Variants in ROBO1 observed in about 807,000 individuals in gnomAD.
The protein encoded by ROBO1 is roundabout homolog 1.
In ROBO1, 149 loss-of-function variants were observed where a neutral mutation model predicts 195.9. The observed-to-expected ratio is 0.76, with a 90% CI of 0.67 to 0.87. The LOEUF (loss-of-function observed/expected upper bound fraction) is 0.87. Among genes scored for constraint, ROBO1 ranks in the 40% least tolerant of loss-of-function variants. The probability of loss-of-function intolerance (pLI) is 0.00; values close to 1 mark genes in which losing one functional copy is unlikely to be tolerated. For synonymous variants in ROBO1, 816 were observed against 733.2 expected (o/e 1.11, Z -1.82); for missense variants, 1,933 against 2,068.3 (o/e 0.93, Z 1.27).
intron 2 of ROBO1, among the ~76,000 whole-genome samples, chr3:79,168,499 C>T (rs2081110118): frequency 6.6e-6 from 1 of 152,130 alleles, no homozygotes; most frequent in African/African-American, 2.4e-5. Flanking sequence ...CCACTAAACC[C>T]TAATATCACC....
At chr3:79,403,178 G>A (rs892753961) in intron 2 of ROBO1, among the ~76,000 whole-genome samples, 1 of 151,818 alleles carries the variant, frequency 6.6e-6, no homozygotes, top group African/African-American at 2.4e-5. Flanking sequence ...AACAAGGCTC[G>A]ATATTTTAAT....
chr3:79,014,281 C>T (rs984191274), intron 3 of ROBO1, among the ~76,000 whole-genome samples: 7 of 151,986 alleles, frequency 4.6e-5, no homozygotes, highest in Non-Finnish European at 1.0e-4. Context: ...ACCAGCCTGG[C>T]CAACACAGTG....
At chr3:78,843,552 T>G (rs1035677908) in intron 4 of ROBO1, among the ~76,000 whole-genome samples, 1 of 152,058 alleles carries the variant, frequency 6.6e-6, no homozygotes, top group Non-Finnish European at 1.5e-5. Flanking sequence ...CAAACAGGTA[T>G]CAGATGAACC....
chr3:79,175,259 T>A (rs987177108), intron 2 of ROBO1, among the ~76,000 whole-genome samples: 5 of 152,194 alleles, frequency 3.3e-5, no homozygotes, highest in African/African-American at 1.2e-4. Flanking sequence ...TTGCACTTAT[T>A]TTACTTTAAT....
intron 14 of ROBO1, among the ~76,000 whole-genome samples, chr3:78,664,173 C>A (rs1438395482): frequency 6.6e-6 from 1 of 152,128 alleles, no homozygotes; most frequent in Non-Finnish European, 1.5e-5. Flanking sequence ...TTTTGTTCTC[C>A]TTCTCCTGAA....
At chr3:79,505,785 C>A (rs1940360313) in intron 2 of ROBO1, among the ~76,000 whole-genome samples, 3 of 152,090 alleles carry the variant, frequency 2.0e-5, no homozygotes, top group Non-Finnish European at 4.4e-5. Context: ...GCAATGTATA[C>A]AGTGGTAGGT....
At chr3:79,543,012 G>C (rs957180415) in intron 2 of ROBO1, among the ~76,000 whole-genome samples, 1 of 151,704 alleles carries the variant, frequency 6.6e-6, no homozygotes, top group African/African-American at 2.4e-5. Flanking sequence ...ACATAAAATG[G>C]GATTTCAAAG....
At chr3:79,681,572 G>A (rs773213412) in intron 1 of ROBO1, among the ~76,000 whole-genome samples, 1 of 151,970 alleles carries the variant, frequency 6.6e-6, no homozygotes, top group African/African-American at 2.4e-5. Flanking sequence ...GTGTTACCTT[G>A]TATTGTGGTG....
chr3:79,568,592 GTCTT>G (rs1472201103), intron 2 of ROBO1, among the ~76,000 whole-genome samples: 2 of 150,556 alleles, frequency 1.3e-5, no homozygotes, highest in African/African-American at 2.4e-5. Context: ...CTTTAGGACA[GTCTT>G]TCATTCTCTT....
intron 2 of ROBO1, among the ~76,000 whole-genome samples, chr3:79,543,223 T>C (rs539514022): frequency 1.3e-5 from 2 of 152,102 alleles, no homozygotes; most frequent in South Asian, 2.1e-4. Flanking sequence ...AAGGGAAAAA[T>C]AGACAAATGT....
intron 2 of ROBO1, among the ~76,000 whole-genome samples, chr3:79,207,744 C>T (rs2081895679): frequency 6.8e-6 from 1 of 147,184 alleles, no homozygotes; most frequent in Non-Finnish European, 1.5e-5. Flanking sequence ...ATTTCTTTTA[C>T]ATGGAGAGTC....
chr3:78,684,011 A>G (rs1191730764), intron 10 of ROBO1, among the ~76,000 whole-genome samples: 1 of 152,092 alleles, frequency 6.6e-6, no homozygotes, highest in Non-Finnish European at 1.5e-5. Context: ...TCTGATGAAG[A>G]CTTGTATTTC....
intron 17 of ROBO1, among the ~76,000 whole-genome samples, chr3:78,659,106 T>C (rs1282123576): frequency 6.6e-6 from 1 of 152,184 alleles, no homozygotes; most frequent in African/African-American, 2.4e-5. Flanking sequence ...TAACACATAG[T>C]ATCCTGTCAC....
At chr3:79,682,418 T>C (rs1946977039) in intron 1 of ROBO1, among the ~76,000 whole-genome samples, 1 of 152,016 alleles carries the variant, frequency 6.6e-6, no homozygotes, top group Non-Finnish European at 1.5e-5. Context: ...TCTGGCTAAT[T>C]AACCAATAAA....
intron 2 of ROBO1, among the ~76,000 whole-genome samples, chr3:79,203,928 T>C (rs1417425957): frequency 6.6e-6 from 1 of 152,192 alleles, no homozygotes; most frequent in Non-Finnish European, 1.5e-5. Flanking sequence ...ACTCAGGATG[T>C]CATCCTAATG....
chr3:79,660,839 G>C (rs1434150795), intron 1 of ROBO1, among the ~76,000 whole-genome samples: 1 of 152,094 alleles, frequency 6.6e-6, no homozygotes, highest in African/African-American at 2.4e-5. Flanking sequence ...GTCAGAGTCT[G>C]TGTTATGCCA....
intron 2 of ROBO1, among the ~76,000 whole-genome samples, chr3:79,203,911 AC>A (rs1328766914): frequency 2.0e-5 from 3 of 152,068 alleles, no homozygotes; most frequent in Non-Finnish European, 4.4e-5. Flanking sequence ...TGCCAATGCC[AC>A]CCGCTACTCA....
chr3:78,780,423 T>C (rs369710929), intron 4 of ROBO1, among the ~76,000 whole-genome samples: 2 of 152,102 alleles, frequency 1.3e-5, no homozygotes, highest in South Asian at 2.1e-4. Context: ...GGTACAAGTT[T>C]GATTTTGCAT....
chr3:79,463,236 G>C (rs533405560), intron 2 of ROBO1, among the ~76,000 whole-genome samples: 1 of 152,018 alleles, frequency 6.6e-6, no homozygotes, highest in South Asian at 2.1e-4. Flanking sequence ...TTAGCTGGGC[G>C]TGGTGGCGGG....
Sources: allele counts gnomAD v4.1 joint callset (sites outside exome capture counted in the v4.1 genomes callset), GRCh38; gene constraint gnomAD v4.1.1; transcripts MANE v1.5; gene names NCBI Gene and HGNC (gene_info 2026-07-23, HGNC 2026-07-21).